Variants in WWOX observed in about 807,000 individuals in gnomAD.
The protein encoded by WWOX is WW domain containing oxidoreductase, also known as WW domain-containing oxidoreductase.
A neutral mutation model predicts 46.2 loss-of-function variants in WWOX; 69 were observed. The ratio of observed to expected loss-of-function variants is 1.49; its 90% CI spans 1.23 to 1.82. The LOEUF is 1.82. WWOX is among the 40% of genes most tolerant of loss of function. WWOX has a pLI of 0.00. For missense variants in WWOX, 919 were observed against 542.6 expected, an observed-to-expected ratio of 1.69 and a Z score of -6.89; for synonymous variants, 359 against 202.6, an observed-to-expected ratio of 1.77 and a Z score of -6.56.
intron 8 of WWOX, among the ~76,000 whole-genome samples, chr16:78,625,039 G>C (rs1002376412): frequency 1.3e-5 from 2 of 152,168 alleles, no homozygotes; most frequent in African/African-American, 4.8e-5. Flanking sequence ...TCTTTGGGAA[G>C]AGGTGTCTTC....
intron 8 of WWOX, among the ~76,000 whole-genome samples, chr16:78,811,178 G>C (rs2051178760): frequency 6.6e-6 from 1 of 152,152 alleles, no homozygotes; most frequent in Non-Finnish European, 1.5e-5. Flanking sequence ...AACAATCAGT[G>C]TTTTGTGACA....
intron 8 of WWOX, among the ~76,000 whole-genome samples, chr16:78,688,055 C>T (rs548266448): frequency 6.6e-6 from 1 of 151,884 alleles, no homozygotes; most frequent in East Asian, 1.9e-4. Context: ...TTGAAATCTT[C>T]TTAGAATGTC....
intron 8 of WWOX, among the ~76,000 whole-genome samples, chr16:79,193,469 C>A (rs775413237): frequency 9.9e-5 from 15 of 152,166 alleles, no homozygotes; most frequent in African/African-American, 1.4e-4. Context: ...GGCAGTACTG[C>A]TGGGTCTTGC....
chr16:78,637,455 A>C (rs2046600735), intron 8 of WWOX, among the ~76,000 whole-genome samples: 1 of 151,580 alleles, frequency 6.6e-6, no homozygotes, highest in Non-Finnish European at 1.5e-5. Flanking sequence ...AAAAAAAAAA[A>C]ATTGTTTCTG....
chr16:78,127,124 T>C (rs1265350924), intron 4 of WWOX, among the ~76,000 whole-genome samples: 5 of 152,190 alleles, frequency 3.3e-5, no homozygotes, highest in African/African-American at 1.2e-4. Context: ...TTCCTATCTG[T>C]ATGACCCGAG....
At chr16:78,927,016 A>T (rs1467373442) in intron 8 of WWOX, among the ~76,000 whole-genome samples, 1 of 152,078 alleles carries the variant, frequency 6.6e-6, no homozygotes, top group Non-Finnish European at 1.5e-5. Flanking sequence ...GGCTGGTTTT[A>T]AACTCTTGAG....
intron 5 of WWOX, among the ~76,000 whole-genome samples, chr16:78,261,814 A>G (rs1044971654): frequency 5.4e-5 from 8 of 147,438 alleles, no homozygotes; most frequent in Admixed American, 1.4e-4. Flanking sequence ...ATATATATAT[A>G]TATACTTATA....
Position 78,429,064 on chromosome 16 carries a change from T to G in WWOX, c.792-3424T>G, listed in dbSNP as rs148438209. Among the ~76,000 whole-genome samples the G allele has an allele frequency of 1.6e-3, 237 of 152,342 alleles. 1 individual carries two copies. Among genetic ancestry groups the G allele is most frequent in the African/African-American group, 5.1e-3 (214 of 41,592 alleles). The stretch of plus-strand genomic sequence containing the variant: ...GAATTCCAAACCCATGACCAAACTG[T>G]AATCATCTAATTCTGTATTGAGTCC... On this transcript the variant is annotated intron_variant, in intron 7 of 8. Transcript: ENST00000566780.
At chr16:78,563,979 C>T (rs1233958630) in intron 8 of WWOX, among the ~76,000 whole-genome samples, 1 of 152,166 alleles carries the variant, frequency 6.6e-6, no homozygotes, top group African/African-American at 2.4e-5. Flanking sequence ...TTGGTGCTTG[C>T]CCACTTGCTG....
intron 8 of WWOX, among the ~76,000 whole-genome samples, chr16:78,494,407 G>C (rs983024383): frequency 7.9e-5 from 12 of 152,194 alleles, no homozygotes; most frequent in African/African-American, 2.7e-4. Flanking sequence ...CAGAGGCTTA[G>C]AGGAGGTTCA....
chr16:78,373,785 G>A (rs78927700), intron 5 of WWOX, among the ~76,000 whole-genome samples: 2 of 152,112 alleles, frequency 1.3e-5, no homozygotes, highest in East Asian at 3.9e-4. Flanking sequence ...AAACTTTTCT[G>A]AGCATATATA....
At chr16:78,420,974 G>C (rs1268318881) in intron 6 of WWOX, among the ~76,000 whole-genome samples, 2 of 152,012 alleles carry the variant, frequency 1.3e-5, no homozygotes, top group Admixed American at 6.6e-5. Flanking sequence ...GAGAAAGTTT[G>C]GGAACCTCTG....
At chr16:78,877,220 G>C (rs1051557068) in intron 8 of WWOX, among the ~76,000 whole-genome samples, 30 of 152,130 alleles carry the variant, frequency 2.0e-4, no homozygotes, top group African/African-American at 7.2e-4. Flanking sequence ...ATTTCAGGCT[G>C]ATTAAAAGGC....
In WWOX at chr16:78,749,916, G is replaced by A. The variant is rs147370113; in HGVS notation, c.1056+317164G>A. ...ACTTTGAGGGTCCTCAAAATAGAAG[G>A]TCAGAGAGTAGACTTTTAAAAGTCT... On this transcript the variant is annotated intron_variant, in intron 8 of 8. Transcript: ENST00000566780. 2.6e-5 allele frequency among the ~76,000 whole-genome samples: 4 copies of A among 152,278 alleles called. No homozygotes were observed. In the East Asian group the frequency reaches 7.7e-4, roughly 29 times the overall value.
intron 8 of WWOX, among the ~76,000 whole-genome samples, chr16:78,464,594 G>C (rs1007352513): frequency 2.6e-5 from 4 of 152,162 alleles, no homozygotes; most frequent in Non-Finnish European, 5.9e-5. Flanking sequence ...CAGGTTAGAG[G>C]CTATGTCAGA....
intron 8 of WWOX, among the ~76,000 whole-genome samples, chr16:78,616,216 G>T: frequency 7.0e-6 from 1 of 143,870 alleles, no homozygotes; most frequent in Non-Finnish European, 1.5e-5. Flanking sequence ...ACACACTTTT[G>T]TGGTTTTTTT....
At chr16:78,100,421 T>C (rs1426807624) in intron 1 of WWOX, among the ~76,000 whole-genome samples, 1 of 152,136 alleles carries the variant, frequency 6.6e-6, no homozygotes, top group Non-Finnish European at 1.5e-5. Flanking sequence ...CCCGACTAAT[T>C]TTTTAAGTAT....
rs577983070 is a variant in WWOX at position 78,528,532 on chromosome 16, C to G, written c.1056+95780C>G. Reference sequence around the variant, plus strand: ...TAAAATTAATGCTGCTGTTATCATACAAAGTAGTGGTAAGTGGAGGTAAGA... The same window carrying G: ...TAAAATTAATGCTGCTGTTATCATAGAAAGTAGTGGTAAGTGGAGGTAAGA... On this transcript the variant is annotated intron_variant, in intron 8 of 8. Coordinates refer to ENST00000566780, the MANE Select transcript of WWOX (RefSeq NM_016373.4). 5.9e-5 allele frequency among the ~76,000 whole-genome samples: 9 copies of G among 152,174 alleles called. No homozygotes were observed. The East Asian group carries it at 1.4e-3, about 23-fold the overall frequency.
intron 8 of WWOX, among the ~76,000 whole-genome samples, chr16:78,547,884 G>A (rs1597247926): frequency 6.6e-6 from 1 of 152,062 alleles, no homozygotes; most frequent in African/African-American, 2.4e-5. Context: ...GGGCGTGGTG[G>A]CTCACACCTG....
Sources: allele counts gnomAD v4.1 joint callset (sites outside exome capture counted in the v4.1 genomes callset), GRCh38; gene constraint gnomAD v4.1.1; transcripts MANE v1.5; gene names NCBI Gene and HGNC (gene_info 2026-07-23, HGNC 2026-07-21).